OR3A2: variants seen among roughly 807,000 people sequenced by gnomAD.
The protein encoded by OR3A2 is olfactory receptor family 3 subfamily A member 2.
For synonymous variants in OR3A2, 126 were observed against 159.3 expected (o/e 0.79, Z 1.57); for missense variants, 318 against 392.8 (o/e 0.81, Z 1.61).
intron 3 of OR3A2, among the ~76,000 whole-genome samples, chr17:3,296,248 C>T (rs1286626802): frequency 6.6e-6 from 1 of 151,802 alleles, no homozygotes; most frequent in African/African-American, 2.4e-5. Context: ...TTGGACCAAA[C>T]AGAGAATGAA....
intron 2 of OR3A2, among the ~76,000 whole-genome samples, chr17:3,379,839 C>A (rs2049717890): frequency 6.6e-6 from 1 of 152,140 alleles, no homozygotes; most frequent in Non-Finnish European, 1.5e-5. Context: ...CACAGCAGAC[C>A]AGCACAGCCA....
At chr17:3,297,119 C>G (rs1265944892) in intron 3 of OR3A2, among the ~76,000 whole-genome samples, 1 of 152,182 alleles carries the variant, frequency 6.6e-6, no homozygotes, top group African/African-American at 2.4e-5. Context: ...AGCCTCAAAG[C>G]TAGAATCCCA....
intron 2 of OR3A2, among the ~76,000 whole-genome samples, chr17:3,357,457 C>A (rs1349446868): frequency 6.6e-6 from 1 of 151,610 alleles, no homozygotes; most frequent in Non-Finnish European, 1.5e-5. Context: ...ATAAGCTGCA[C>A]ACAAAGAGAC....
At chr17:3,376,878 G>A (rs1454755214) in intron 2 of OR3A2, among the ~76,000 whole-genome samples, 1 of 152,150 alleles carries the variant, frequency 6.6e-6, no homozygotes, top group Non-Finnish European at 1.5e-5. Flanking sequence ...GGCTTGGACT[G>A]GAGACCAGGG....
At chr17:3,358,047 C>T (rs1406196128) in intron 2 of OR3A2, among the ~76,000 whole-genome samples, 2 of 151,568 alleles carry the variant, frequency 1.3e-5, no homozygotes, top group Non-Finnish European at 2.9e-5. Flanking sequence ...CTGATCCAGA[C>T]GAGGTCTCGA....
At chr17:3,362,458 A>G (rs2049526942) in intron 2 of OR3A2, among the ~76,000 whole-genome samples, 1 of 151,598 alleles carries the variant, frequency 6.6e-6, no homozygotes, top group Admixed American at 6.6e-5. Flanking sequence ...GCCTTCTGCT[A>G]GCTTTTGAAT....
At chr17:3,377,502 A>G (rs1199760606) in intron 2 of OR3A2, 1 of 152,164 alleles carries the variant, frequency 6.6e-6, no homozygotes, top group Non-Finnish European at 1.5e-5. Flanking sequence ...GGAAGAGACC[A>G]TTTTGGCCCT....
intron 2 of OR3A2, among the ~76,000 whole-genome samples, chr17:3,378,530 G>C (rs1441942644): frequency 6.6e-6 from 1 of 152,120 alleles, no homozygotes. Context: ...AGCTGCAGCT[G>C]CGCCTAGGAG....
At chr17:3,373,170 GT>G (rs2049647742) in intron 2 of OR3A2, among the ~76,000 whole-genome samples, 1 of 152,126 alleles carries the variant, frequency 6.6e-6, no homozygotes, top group Non-Finnish European at 1.5e-5. Context: ...ACTTGATATA[GT>G]TTCCATTTTC....
At chr17:3,317,668 G>A (rs2049089531) in intron 3 of OR3A2, among the ~76,000 whole-genome samples, 1 of 152,090 alleles carries the variant, frequency 6.6e-6, no homozygotes, top group Admixed American at 6.5e-5. Context: ...TTATTTTGGG[G>A]ACTAAATGAA....
intron 3 of OR3A2, among the ~76,000 whole-genome samples, chr17:3,314,569 G>T (rs928504334): frequency 3.3e-5 from 5 of 152,128 alleles, no homozygotes; most frequent in Admixed American, 2.0e-4. Flanking sequence ...CTCTGTGGAG[G>T]GAATAGGACT....
chr17:3,336,868 G>A (rs138905670), intron 2 of OR3A2, among the ~76,000 whole-genome samples: 12 of 152,172 alleles, frequency 7.9e-5, no homozygotes, highest in Non-Finnish European at 1.5e-4. Context: ...GTAAACAAAC[G>A]CTGCATCCCT....
At chr17:3,340,220 C>T (rs2049305979) in intron 2 of OR3A2, among the ~76,000 whole-genome samples, 1 of 152,116 alleles carries the variant, frequency 6.6e-6, no homozygotes, top group Admixed American at 6.5e-5. Context: ...AAAAACAGCT[C>T]CTGGATTCAC....
chr17:3,326,437 G>C (rs1242388614), intron 3 of OR3A2, among the ~76,000 whole-genome samples: 3 of 151,996 alleles, frequency 2.0e-5, no homozygotes, highest in Admixed American at 2.0e-4. Flanking sequence ...CAAATGGAGG[G>C]ACCGGCTGGA....
intron 2 of OR3A2, among the ~76,000 whole-genome samples, chr17:3,354,125 C>T (rs2049443469): frequency 6.6e-6 from 1 of 151,816 alleles, no homozygotes. Flanking sequence ...ATCAGAGATA[C>T]TGGCCTGTAG....
At chr17:3,378,578 G>A (rs1255103615) in intron 2 of OR3A2, among the ~76,000 whole-genome samples, 14 of 152,008 alleles carry the variant, frequency 9.2e-5, no homozygotes, top group African/African-American at 3.4e-4. Flanking sequence ...TAGGGGGTGG[G>A]GCTCCCACCT....
At chr17:3,329,900 TG>T (rs1193024993) in intron 3 of OR3A2, among the ~76,000 whole-genome samples, 2 of 135,204 alleles carry the variant, frequency 1.5e-5, no homozygotes, top group African/African-American at 6.2e-5. Context: ...CCAGAGATTC[TG>T]GTATGTTGTG....
intron 3 of OR3A2, among the ~76,000 whole-genome samples, chr17:3,299,010 T>C (rs1398935278): frequency 6.6e-6 from 1 of 152,188 alleles, no homozygotes; most frequent in Non-Finnish European, 1.5e-5. Flanking sequence ...TGCTTTTGAT[T>C]TTCTCAAAGA....
intron 2 of OR3A2, among the ~76,000 whole-genome samples, chr17:3,338,546 T>A (rs28852450): frequency 0.014 from 2,092 of 152,322 alleles, 37 homozygotes; most frequent in African/African-American, 0.046. Context: ...CCCCATTTCC[T>A]GTTTTTGTCA....
Sources: allele counts gnomAD v4.1 joint callset (sites outside exome capture counted in the v4.1 genomes callset), GRCh38; gene constraint gnomAD v4.1.1; transcripts MANE v1.5; gene names NCBI Gene and HGNC (gene_info 2026-07-23, HGNC 2026-07-21).